The following GGT5 variants were observed in gnomAD, a reference collection of about 807,000 sequenced individuals.
The protein encoded by GGT5 is gamma-glutamyltransferase 5.
Under a neutral mutation model 58.1 loss-of-function variants are expected in GGT5, and 50 were observed. The ratio of observed to expected loss-of-function variants is 0.86; its 90% confidence interval spans 0.69 to 1.09. GGT5 has a LOEUF of 1.09. GGT5 is among the 50% of genes least tolerant of loss of function. GGT5 has a pLI of 0.00. For synonymous variants in GGT5, 370 were observed against 346.1 expected (o/e 1.07, Z -0.77); for missense variants, 800 against 789.4 (o/e 1.01, Z -0.16).
chr22:24,234,179 C>G (rs1265212356), intron 1 of GGT5, among the ~76,000 whole-genome samples, 175 bp from the exon 2 acceptor site: 3 of 152,242 alleles, frequency 2.0e-5, no homozygotes, highest in South Asian at 2.1e-4. Context: ...CAGCTGCTCA[C>G]AGGTCCACAA....
chr22:24,235,625 A>G (rs2048074361), intron 1 of GGT5, among the ~76,000 whole-genome samples: 2 of 152,264 alleles, frequency 1.3e-5, no homozygotes, highest in Admixed American at 1.3e-4. Flanking sequence ...ACAAAGCCAG[A>G]AAATGAAATA....
chr22:24,238,979 A>G (rs1240442594), intron 1 of GGT5, among the ~76,000 whole-genome samples: 1 of 92,732 alleles, frequency 1.1e-5, no homozygotes, highest in Non-Finnish European at 2.0e-5. Context: ...AGCCCATGAC[A>G]CAGTCCTCAG....
chr22:24,233,707 G>T, intron 2 of GGT5, 114 bp from the exon 3 acceptor site: 1 of 852,540 alleles, frequency 1.2e-6, no homozygotes, highest in Non-Finnish European at 1.9e-6. Context: ...CTAACACAGG[G>T]ACAGGAGTTG....
intron 1 of GGT5, chr22:24,244,293 G>C: frequency 2.5e-6 from 1 of 396,508 alleles, no homozygotes. Flanking sequence ...GCCAGTGCAC[G>C]TGCACACACA....
intron 11 of GGT5, among the ~76,000 whole-genome samples, chr22:24,224,310 G>A (rs2081002013): frequency 6.6e-6 from 1 of 151,892 alleles, no homozygotes. Context: ...AGGAGTTCAA[G>A]ACCAGCCTAG....
chr22:24,220,143 A>G, intron 11 of GGT5, 27 bp from the exon 12 acceptor site: 1 of 1,611,286 alleles, frequency 6.2e-7, no homozygotes, highest in Non-Finnish European at 8.5e-7. Context: ...GCAGGTTCAC[A>G]GGGGAGGGCA....
intron 7 of GGT5, 43 bp from the exon 8 acceptor site, chr22:24,226,309 C>T: frequency 6.9e-7 from 1 of 1,456,060 alleles, no homozygotes; most frequent in Non-Finnish European, 9.4e-7. Flanking sequence ...AGGGGCCAGG[C>T]AGAATCCGCA....
At chr22:24,239,772 A>C (rs2048279178) in intron 1 of GGT5, among the ~76,000 whole-genome samples, 1 of 152,032 alleles carries the variant, frequency 6.6e-6, no homozygotes, top group Non-Finnish European at 1.5e-5. Context: ...TCTACTGACT[A>C]GGAAGAGGAT....
intron 1 of GGT5, 61 bp downstream of exon 1, chr22:24,244,490 ACG>A: frequency 7.4e-7 from 1 of 1,356,640 alleles, no homozygotes; most frequent in Non-Finnish European, 1.0e-6. Flanking sequence ...ACACACACAC[ACG>A]CCTTCTCCAG....
At chr22:24,236,298 G>A (rs1006801795) in intron 1 of GGT5, among the ~76,000 whole-genome samples, 3 of 152,042 alleles carry the variant, frequency 2.0e-5, no homozygotes, top group Admixed American at 2.0e-4. Flanking sequence ...AGCCATCCTG[G>A]ATTGGTCACT....
At chr22:24,220,908 A>G (rs8140505) in intron 11 of GGT5, among the ~76,000 whole-genome samples, 42,604 of 151,964 alleles carry the variant, frequency 0.28, 6,965 homozygotes, top group African/African-American at 0.46. Flanking sequence ...AATTAGTCGG[A>G]TGTGGTGGCC....
In GGT5 at chr22:24,232,952, C is replaced by T. The variant is rs747934573; in HGVS notation, c.467G>A (p.Arg156His). 1.0e-5 allele frequency: 16 copies of T among 1,565,212 alleles called. No homozygotes were observed. Among genetic ancestry groups the T allele is most frequent in the Admixed American group, 9.4e-5 (5 of 53,416 alleles). The part of the protein sequence containing the change: ...GYAEAHRRHG[R>H]LPWAQLFQPT... ...CTGGAACAGCTGCGCCCAGGGCAGG[C>T]GGCCATGGCGGCGGTGGGCCTCGGC... The change falls in exon 4 of 12, where the codon CGC becomes CAC. Residue 156 changes from arginine to histidine, a missense_variant. Physicochemically the swap from Arg to His is conservative, Grantham distance 29. Transcript: ENST00000327365.
rs201611160 is a variant in GGT5, at chr22:24,231,472, C to T, written c.813G>A (p.Leu271=). ...GGGTATAGTCCCCCAGGGGCACCTCCAGGGCATCCACCACCTCGGGCTGGA... is the reference window on the plus strand; with the variant it reads ...GGGTATAGTCCCCCAGGGGCACCTCTAGGGCATCCACCACCTCGGGCTGGA... ...AKFQPEVVDA[L]EVPLGDYTLY... is the part of the protein sequence containing the mutation. Residue 271 remains leucine (L), a synonymous_variant, in exon 6 of 12, where the codon CTG becomes CTA. Coordinates refer to ENST00000327365, the MANE Select transcript of GGT5 (RefSeq NM_004121.5). 200 of 1,579,074 alleles carry T rather than the reference C, an allele frequency of 1.3e-4. 2 individuals carry two copies. The South Asian group carries it at 2.2e-3, about 18-fold the overall frequency.
At chr22:24,242,920 GA>G (rs1192405212) in intron 1 of GGT5, 4 of 152,294 alleles carry the variant, frequency 2.6e-5, no homozygotes, top group Admixed American at 2.0e-4. Flanking sequence ...AGAGTTGTTT[GA>G]CAAAACACTG....
chr22:24,226,643 G>C lies in GGT5; in HGVS notation c.1026C>G (p.His342Gln). 1.9e-6 allele frequency: 3 copies of C among 1,614,086 alleles called. No homozygotes were observed. The East Asian group carries it at 6.7e-5, about 36-fold the overall frequency. ...TCAGCAACCTCACCTGGAGCTTCGG[G>C]TGGCTTCGAGGGTCCCCCAGCCTCC... ...QRWRLGDPRS[H>Q]PKLQNASRDL... is the part of the protein sequence containing the mutation. The change falls in exon 7 of 12, where the codon CAC (histidine) becomes CAG (glutamine). Residue 342 changes from histidine to glutamine, a missense_variant. Physicochemically the swap from His to Gln is conservative, Grantham distance 24. Transcript: ENST00000327365.
intron 6 of GGT5, among the ~76,000 whole-genome samples, chr22:24,227,670 A>G (rs920125442): frequency 3.9e-5 from 6 of 152,068 alleles, no homozygotes; most frequent in Admixed American, 2.0e-4. Flanking sequence ...CAGAGGAGAA[A>G]CCAGTATGAT....
rs548744601 is a variant in GGT5 at position 24,228,815 on chromosome 22, A to G, written c.902-2048T>C. Among the ~76,000 whole-genome samples the G allele has an allele frequency of 3.4e-4, 52 of 150,802 alleles. 1 individual carries two copies. In the South Asian group the frequency reaches 0.01, roughly 30 times the overall value. ...AGGAATAAAAATGATATAATGGGCC[A>G]GGCATGGTGGCTTATGCCTATAATC... On this transcript the variant is annotated intron_variant, in intron 6 of 11. Coordinates refer to ENST00000327365, the MANE Select transcript of GGT5 (RefSeq NM_004121.5).
At chr22:24,234,670 A>G (rs1415604585) in intron 1 of GGT5, among the ~76,000 whole-genome samples, 4 of 152,054 alleles carry the variant, frequency 2.6e-5, no homozygotes, top group African/African-American at 9.7e-5. Context: ...AAATACAAAA[A>G]TTAGCTGAAT....
At chr22:24,221,364 A>T (rs2148879819) in intron 11 of GGT5, among the ~76,000 whole-genome samples, 1 of 151,036 alleles carries the variant, frequency 6.6e-6, no homozygotes, top group African/African-American at 2.5e-5. Flanking sequence ...GTGCTTGAGA[A>T]ATTTTGCAGA....
Sources: allele counts gnomAD v4.1 joint callset (sites outside exome capture counted in the v4.1 genomes callset), GRCh38; gene constraint gnomAD v4.1.1; transcripts MANE v1.5; gene names NCBI Gene and HGNC (gene_info 2026-07-23, HGNC 2026-07-21).